PTPRN2: variants seen among roughly 807,000 people sequenced by gnomAD.
The protein encoded by PTPRN2 is protein tyrosine phosphatase receptor type N2.
In PTPRN2, 74 loss-of-function variants were observed where a neutral mutation model predicts 118.8. That is an observed-to-expected ratio of 0.62 (90% confidence interval 0.52 to 0.76). The LOEUF is 0.76. Among genes scored for constraint, PTPRN2 ranks in the 30% least tolerant of loss-of-function variants. PTPRN2 has a pLI of 0.00. For synonymous variants in PTPRN2, 641 were observed against 608.0 expected, an observed-to-expected ratio of 1.05 and a Z score of -0.80; for missense variants, 1,481 against 1,394.4, an observed-to-expected ratio of 1.06 and a Z score of -0.99.
At chr7:157,777,450 G>C (rs542600709) in intron 12 of PTPRN2, among the ~76,000 whole-genome samples, 3 of 146,260 alleles carry the variant, frequency 2.1e-5, no homozygotes, top group Admixed American at 1.4e-4. Flanking sequence ...CGGAGGACAC[G>C]CAGTGCCCCA....
intron 12 of PTPRN2, among the ~76,000 whole-genome samples, chr7:157,812,029 G>A (rs1223871790): frequency 2.0e-5 from 3 of 152,194 alleles, no homozygotes; most frequent in East Asian, 1.9e-4. Context: ...GACAGGCAGT[G>A]AGAAATGAGG....
chr7:158,474,877 C>G (rs1820130780), intron 2 of PTPRN2, among the ~76,000 whole-genome samples: 1 of 152,168 alleles, frequency 6.6e-6, no homozygotes, highest in Admixed American at 6.5e-5. Context: ...ACGGGGTGCC[C>G]TGTGGGACTG....
intron 12 of PTPRN2, among the ~76,000 whole-genome samples, chr7:157,770,429 C>T (rs1287055700): frequency 2.0e-5 from 3 of 152,204 alleles, no homozygotes; most frequent in African/African-American, 7.2e-5. Context: ...GGTCCCACCT[C>T]TTTACGTTAA....
chr7:157,600,694 C>A (rs1801620493), intron 16 of PTPRN2, among the ~76,000 whole-genome samples: 1 of 152,226 alleles, frequency 6.6e-6, no homozygotes, highest in African/African-American at 2.4e-5. Flanking sequence ...CAGGCATGAG[C>A]CACTGCACCC....
chr7:157,917,283 C>T (rs1798459347), intron 11 of PTPRN2, among the ~76,000 whole-genome samples: 5 of 152,254 alleles, frequency 3.3e-5, no homozygotes, highest in Admixed American at 3.3e-4. Flanking sequence ...TGAACACACT[C>T]CAGCCTGCAA....
intron 2 of PTPRN2, among the ~76,000 whole-genome samples, chr7:158,362,260 G>C (rs1586461398): frequency 6.6e-6 from 1 of 152,230 alleles, no homozygotes; most frequent in African/African-American, 2.4e-5. Flanking sequence ...CCTCAGCCTG[G>C]TGTCTCCCAA....
intron 14 of PTPRN2, among the ~76,000 whole-genome samples, chr7:157,631,831 CAAAA>C (rs564048764): frequency 5.5e-5 from 4 of 72,438 alleles, no homozygotes; most frequent in African/African-American, 8.1e-5. Context: ...GACTCCGTCT[CAAAA>C]AAAAAAAAAA....
rs754391896 is a variant in PTPRN2 at position 157,585,422 on chromosome 7, C to T, written c.2497-7282G>A. On this transcript the variant is annotated intron_variant, in intron 17 of 22. Transcript: ENST00000389418. The surrounding 1 kb of genome is among the most constrained non-coding windows in gnomAD (Gnocchi z 5.2). ...AGCCTGCTTGTGTGCAAGCAGACCC[C>T]GTGTGGCTTGGTGTGGCCATCCTGC... Among the ~76,000 whole-genome samples, 3 of 152,304 alleles carry T rather than the reference C, an allele frequency of 2.0e-5. No individual in the cohort carries two copies. Among genetic ancestry groups the T allele is most frequent in the South Asian group, 2.1e-4 (1 of 4,826 alleles).
chr7:158,363,411 A>G (rs1353538428), intron 2 of PTPRN2, among the ~76,000 whole-genome samples: 1 of 152,102 alleles, frequency 6.6e-6, no homozygotes, highest in African/African-American at 2.4e-5. Flanking sequence ...TGCGAGCCCA[A>G]TTTCGGAAAA....
intron 12 of PTPRN2, among the ~76,000 whole-genome samples, chr7:157,811,652 T>C (rs375414488): frequency 1.3e-5 from 2 of 152,132 alleles, no homozygotes; most frequent in African/African-American, 2.4e-5. Flanking sequence ...GCTGCTAAGC[T>C]TGGGGAACCT....
intron 12 of PTPRN2, among the ~76,000 whole-genome samples, chr7:157,835,150 C>A (rs1253630961): frequency 6.6e-6 from 1 of 152,170 alleles, no homozygotes; most frequent in African/African-American, 2.4e-5. Flanking sequence ...GCGTCCTGAG[C>A]CCCCTAGGAC....
chr7:158,331,039 A>G (rs1294740455), intron 2 of PTPRN2, among the ~76,000 whole-genome samples: 2 of 125,710 alleles, frequency 1.6e-5, no homozygotes, highest in African/African-American at 3.0e-5. Context: ...TCACCATAAG[A>G]GGTGACACCT....
At chr7:157,793,376 C>A (rs575628490) in intron 12 of PTPRN2, among the ~76,000 whole-genome samples, 1 of 151,632 alleles carries the variant, frequency 6.6e-6, no homozygotes, top group Admixed American at 6.5e-5. Flanking sequence ...CTCTGTGGAC[C>A]CCCTGTGTAC....
intron 12 of PTPRN2, among the ~76,000 whole-genome samples, chr7:157,708,639 G>A (rs1056628232): frequency 1.3e-5 from 2 of 152,100 alleles, no homozygotes; most frequent in East Asian, 1.9e-4. Context: ...CCCAACTTCC[G>A]TAAAACCACA....
chr7:158,326,291 C>T (rs1342387996), intron 2 of PTPRN2, among the ~76,000 whole-genome samples: 1 of 152,246 alleles, frequency 6.6e-6, no homozygotes, highest in African/African-American at 2.4e-5. Flanking sequence ...CCCCTCGTGG[C>T]TGCCTCCCTG....
intron 12 of PTPRN2, among the ~76,000 whole-genome samples, chr7:157,844,620 C>T (rs879810136): frequency 6.6e-5 from 10 of 152,120 alleles, no homozygotes; most frequent in Non-Finnish European, 1.0e-4. Flanking sequence ...CAGCACGACC[C>T]CAGGGTGGTG....
rs555289730 is a variant in PTPRN2, at chr7:157,656,302, C to T, written c.2196+55G>A. 9.4e-5 allele frequency: 139 copies of T among 1,484,212 alleles called. No homozygotes were observed. In the East Asian group the frequency reaches 2.7e-3, roughly 29 times the overall value. 91.9% of individuals were successfully genotyped at this position (1,484,212 alleles called of 1,614,324 possible). A position where few individuals can be genotyped will look rare whatever the true frequency, so the allele number is the denominator to read the frequency against. On this transcript the variant is annotated intron_variant, in intron 14 of 22. Transcript: ENST00000389418. Reference sequence around the variant, plus strand: ...CGCAGATGCTGGGTGTTGCAGGGGCCGAGGAAGGAGGGCCCTGGTGTTTGT... The same window carrying T: ...CGCAGATGCTGGGTGTTGCAGGGGCTGAGGAAGGAGGGCCCTGGTGTTTGT...
At chr7:157,554,515 T>C (rs1478925863) in intron 21 of PTPRN2, among the ~76,000 whole-genome samples, 3 of 152,174 alleles carry the variant, frequency 2.0e-5, no homozygotes, top group Admixed American at 1.3e-4. Context: ...CTTTTCTTAG[T>C]GTCAAAGGAT....
chr7:157,842,903 A>G (rs1808537878), intron 12 of PTPRN2, among the ~76,000 whole-genome samples: 1 of 152,240 alleles, frequency 6.6e-6, no homozygotes, highest in Admixed American at 6.5e-5. Flanking sequence ...AGTAAAGGGT[A>G]GAGTGATTAG....
Sources: gnomAD v4.1 joint callset for allele counts (sites outside exome capture counted in the v4.1 genomes callset) on GRCh38, gnomAD v4.1.1 for gene constraint, Gnocchi (gnomAD v3.1) non-coding constraint, MANE v1.5 for transcripts, NCBI Gene and HGNC (gene_info 2026-07-23, HGNC 2026-07-21) for gene names.